Variants in MAP2K1 observed in about 807,000 individuals in gnomAD.
MAP2K1 encodes mitogen-activated protein kinase kinase 1, also known as dual specificity mitogen-activated protein kinase kinase 1.
In MAP2K1, 16 loss-of-function variants were observed where a neutral mutation model predicts 46.3. That is an observed-to-expected ratio of 0.35 (90% confidence interval 0.23 to 0.52). The LOEUF is 0.52. Among genes scored for constraint, MAP2K1 ranks in the 20% least tolerant of loss-of-function variants. The probability of loss-of-function intolerance (pLI) is 0.94; values close to 1 mark genes in which losing one functional copy is unlikely to be tolerated. For synonymous variants in MAP2K1, 183 were observed against 185.6 expected (o/e 0.99, Z 0.11); for missense variants, 263 against 497.1 (o/e 0.53, Z 4.48).
At chr15:66,434,027 A>G (rs752253) in intron 1 of MAP2K1, among the ~76,000 whole-genome samples, 9,484 of 152,302 alleles carry the variant, frequency 0.062, 971 homozygotes, top group African/African-American at 0.22. Context: ...GTGCTTACCA[A>G]GAGCCAGCTT....
In MAP2K1 at chr15:66,487,157, C is replaced by T; in HGVS notation, c.896-71C>T. 4 of 1,329,432 alleles carry T rather than the reference C, an allele frequency of 3.0e-6. No homozygotes were observed. In the South Asian group the frequency reaches 4.7e-5, roughly 16 times the overall value. 82.4% of individuals were successfully genotyped at this position (1,329,432 alleles called of 1,614,324 possible). On this transcript the variant is annotated intron_variant, in intron 7 of 10. Coordinates refer to ENST00000307102, the MANE Select transcript of MAP2K1 (RefSeq NM_002755.4). ...CTGTTCTGGTCCCAGGGATCCATGC[C>T]CAACCCCTTGCCTCATATTAACAAG...
intron 1 of MAP2K1, among the ~76,000 whole-genome samples, chr15:66,400,740 C>T (rs2140525381): frequency 6.6e-6 from 1 of 152,232 alleles, no homozygotes; most frequent in East Asian, 1.9e-4. Context: ...TTCTGAATCC[C>T]ATGAAGGGCC....
chr15:66,409,522 A>G (rs1462302646), intron 1 of MAP2K1, among the ~76,000 whole-genome samples: 2 of 152,196 alleles, frequency 1.3e-5, no homozygotes, highest in Non-Finnish European at 2.9e-5. Context: ...GTGGCTTCTC[A>G]CACTCCTCCG....
rs1465797997 is a variant in MAP2K1, at chr15:66,491,130, ATTAT to A, written c.*518_*521del. The stretch of plus-strand genomic sequence containing the variant: ...GTGTACATCATGTTATTTTATTATT[ATTAT>A]TTGCTTTTCATGTAGAACTCAGCAG... On this transcript the variant is annotated 3_prime_UTR_variant, in exon 11 of 11. Coordinates refer to ENST00000307102, the MANE Select transcript of MAP2K1 (RefSeq NM_002755.4). The A allele has an allele frequency of 4.6e-5, 13 of 285,568 alleles. No homozygotes were observed. The highest frequency in any genetic ancestry group is 5.3e-5 in the Non-Finnish European group (8 of 149,878). The allele number at this position is 285,568 out of a possible 1,614,324, so 17.7% of individuals were successfully genotyped here.
chr15:66,442,594 T>C (rs1411328830), intron 3 of MAP2K1, among the ~76,000 whole-genome samples: 1 of 152,220 alleles, frequency 6.6e-6, no homozygotes, highest in Non-Finnish European at 1.5e-5. Flanking sequence ...GTTTTTCCTT[T>C]ACTGTCACAC....
intron 5 of MAP2K1, among the ~76,000 whole-genome samples, chr15:66,452,144 G>T (rs1268316993): frequency 1.0e-5 from 1 of 100,310 alleles, no homozygotes; most frequent in Non-Finnish European, 2.0e-5. Context: ...TGGTGGGGTC[G>T]GGGGAGGGGG....
rs117875251 is a variant in MAP2K1, at chr15:66,418,447, T to C, written c.81-16580T>C. ...CAGGGATTTTCTAAAAAGCTCTTTT[T>C]CTTTTTTTAAATTTATTTAAACTAT... On this transcript the variant is annotated intron_variant, in intron 1 of 10. Coordinates refer to ENST00000307102, the MANE Select transcript of MAP2K1 (RefSeq NM_002755.4). 2.6e-5 allele frequency among the ~76,000 whole-genome samples: 4 copies of C among 152,344 alleles called. No individual in the cohort carries two copies. The East Asian group carries it at 7.7e-4, about 29-fold the overall frequency.
In MAP2K1 at chr15:66,435,012, C is replaced by T. The variant is rs2140578253; in HGVS notation, c.81-15C>T. ...CTGGTGACAGTATTGACTTGTGCTC[C>T]CCACTTTGGAACAGGACCAACTTGG... On this transcript the variant is annotated splice_polypyrimidine_tract_variant and intron_variant, in intron 1 of 10. Transcript: ENST00000307102. 1 of 1,563,508 alleles carries T rather than the reference C, an allele frequency of 6.4e-7. No homozygotes were observed. Among genetic ancestry groups the T allele is most frequent in the Non-Finnish European group, 8.8e-7 (1 of 1,134,120 alleles).
intron 1 of MAP2K1, among the ~76,000 whole-genome samples, chr15:66,432,538 A>G (rs1293659620): frequency 6.6e-6 from 1 of 152,216 alleles, no homozygotes. Flanking sequence ...ATCCATCATC[A>G]GATTGATGTG....
At chr15:66,390,124 C>A (rs2093353259) in intron 1 of MAP2K1, among the ~76,000 whole-genome samples, 1 of 152,152 alleles carries the variant, frequency 6.6e-6, no homozygotes, top group Non-Finnish European at 1.5e-5. Context: ...ACAATCAACT[C>A]TCCCTAGTTT....
intron 6 of MAP2K1, among the ~76,000 whole-genome samples, chr15:66,482,919 T>C (rs1053084962): frequency 2.6e-5 from 4 of 151,810 alleles, no homozygotes; most frequent in Middle Eastern, 3.4e-3. Context: ...GCGCAGAGGC[T>C]CAGATCTTAA....
intron 1 of MAP2K1, among the ~76,000 whole-genome samples, chr15:66,415,592 G>T (rs1245517056): frequency 6.6e-6 from 1 of 152,152 alleles, no homozygotes; most frequent in African/African-American, 2.4e-5. Flanking sequence ...GGCTGCTGTG[G>T]TGTTCAAATT....
In MAP2K1 at chr15:66,405,782, G is replaced by A. The variant is rs140636574; in HGVS notation, c.80+18355G>A. Among the ~76,000 whole-genome samples the A allele has an allele frequency of 5.3e-5, 8 of 152,306 alleles. No homozygotes were observed. In the East Asian group the frequency reaches 1.5e-3, roughly 29 times the overall value. ...GCATGTCCGGATTAGTTTCCCCAAA[G>A]GAAATGAAATATATTTGTTGGAAAG... On this transcript the variant is annotated intron_variant, in intron 1 of 10. Coordinates refer to ENST00000307102, the MANE Select transcript of MAP2K1 (RefSeq NM_002755.4).
chr15:66,394,510 G>A (rs1031208507), intron 1 of MAP2K1, among the ~76,000 whole-genome samples: 3 of 138,086 alleles, frequency 2.2e-5, no homozygotes. Flanking sequence ...AGACACTCAG[G>A]CTGGAGTGCA....
intron 5 of MAP2K1, among the ~76,000 whole-genome samples, chr15:66,474,237 G>A (rs1892705387): frequency 6.6e-6 from 1 of 152,090 alleles, no homozygotes; most frequent in African/African-American, 2.4e-5. Flanking sequence ...TTGAAAGTGA[G>A]GGAGATAAAA....
At position 66,387,174 on chromosome 15, in the gene MAP2K1, C is replaced by T. The variant is rs969880085; in HGVS notation, c.-174C>T. The T allele has an allele frequency of 1.0e-5, 5 of 502,332 alleles. No homozygotes were observed. The highest frequency in any genetic ancestry group is 5.3e-4 in the Middle Eastern group (1 of 1,886). 31.1% of individuals were successfully genotyped at this position (502,332 alleles called of 1,614,324 possible). A position where few individuals can be genotyped will look rare whatever the true frequency, so the allele number is the denominator to read the frequency against. On this transcript the variant is annotated 5_prime_UTR_variant, in exon 1 of 11. Coordinates refer to ENST00000307102, the MANE Select transcript of MAP2K1 (RefSeq NM_002755.4). ...CGGGTGGGGCGGGGGTCCACTGAGA[C>T]CGCTACCGGCCCCTCGGCGCTGACG... is the stretch of plus-strand genomic sequence containing the variant.
At chr15:66,424,421 T>C (rs1458258384) in intron 1 of MAP2K1, among the ~76,000 whole-genome samples, 1 of 152,200 alleles carries the variant, frequency 6.6e-6, no homozygotes, top group Non-Finnish European at 1.5e-5. Context: ...TTAGGTAAAT[T>C]GTCTTTATCC....
intron 5 of MAP2K1, chr15:66,446,415 T>C (rs1323181313): frequency 6.2e-6 from 1 of 160,546 alleles, no homozygotes; most frequent in African/African-American, 2.4e-5. Context: ...CACTCCAGCC[T>C]GGGCGACAGA....
intron 5 of MAP2K1, among the ~76,000 whole-genome samples, chr15:66,445,503 G>T (rs1891846555): frequency 6.6e-6 from 1 of 152,176 alleles, no homozygotes; most frequent in Admixed American, 6.5e-5. Context: ...TTAGGCATTT[G>T]TCCAAGATAA....
Sources: gnomAD v4.1 joint callset for allele counts (sites outside exome capture counted in the v4.1 genomes callset) on GRCh38, gnomAD v4.1.1 for gene constraint, MANE v1.5 for transcripts, NCBI Gene and HGNC (gene_info 2026-07-23, HGNC 2026-07-21) for gene names.